UBE2U: variants seen among roughly 807,000 people sequenced by gnomAD.
UBE2U encodes the protein ubiquitin-conjugating enzyme E2 U.
UBE2U carries 39 observed loss-of-function variants against 41.2 expected under a neutral mutation model. The ratio of observed to expected loss-of-function variants is 0.95; its 90% CI spans 0.73 to 1.24. UBE2U has a LOEUF of 1.24. Ranked by LOEUF, UBE2U falls within the 50% of genes most tolerant of loss-of-function variation. UBE2U has a pLI of 0.00. For missense variants in UBE2U, 336 were observed against 363.1 expected (o/e 0.93, Z 0.61); for synonymous variants, 107 against 117.8 (o/e 0.91, Z 0.60).
chr1:64,223,885 A>C (rs541204193), intron 6 of UBE2U, among the ~76,000 whole-genome samples: 108 of 152,322 alleles, frequency 7.1e-4, no homozygotes, highest in South Asian at 8.3e-4. Flanking sequence ...GAGCTACAGC[A>C]GGACATCTTT....
At chr1:64,230,932 A>C (rs774637891) in intron 6 of UBE2U, among the ~76,000 whole-genome samples, 93 of 152,198 alleles carry the variant, frequency 6.1e-4, no homozygotes, top group Non-Finnish European at 1.1e-3. Context: ...CTATAAACAC[A>C]TGTATTTTTA....
intron 6 of UBE2U, among the ~76,000 whole-genome samples, chr1:64,226,752 A>C (rs1652900206): frequency 7.1e-6 from 1 of 140,654 alleles, no homozygotes; most frequent in Admixed American, 7.1e-5. Context: ...AAAAAAAAAA[A>C]GGTATTCAAA....
chr1:64,216,738 C>A (rs1201869226), intron 5 of UBE2U, among the ~76,000 whole-genome samples: 1 of 152,196 alleles, frequency 6.6e-6, no homozygotes, highest in Non-Finnish European at 1.5e-5. Flanking sequence ...CCAAACTTTT[C>A]CCCAACATTT....
intron 9 of UBE2U, among the ~76,000 whole-genome samples, chr1:64,263,798 C>T (rs1045131304): frequency 2.0e-5 from 3 of 152,090 alleles, no homozygotes; most frequent in Non-Finnish European, 2.9e-5. Flanking sequence ...TCAGGCATGG[C>T]GGGTTCCTCA....
At chr1:64,233,892 G>A (rs76551846) in intron 7 of UBE2U, among the ~76,000 whole-genome samples, 1,868 of 152,314 alleles carry the variant, frequency 0.012, 49 homozygotes, top group African/African-American at 0.042. Flanking sequence ...CAGTGATTAC[G>A]TTTTAGTCCT....
intron 8 of UBE2U, among the ~76,000 whole-genome samples, chr1:64,255,205 C>T (rs1645070842): frequency 6.6e-6 from 1 of 151,972 alleles, no homozygotes; most frequent in Admixed American, 6.6e-5. Context: ...ACACACCTTC[C>T]CAAGACTGAA....
At chr1:64,227,260 G>A (rs1206660416) in intron 6 of UBE2U, among the ~76,000 whole-genome samples, 1 of 152,086 alleles carries the variant, frequency 6.6e-6, no homozygotes, top group Admixed American at 6.5e-5. Context: ...TTGTACTGGA[G>A]GTTCTAGCCA....
At chr1:64,248,418 A>C (rs1227976858) in intron 8 of UBE2U, among the ~76,000 whole-genome samples, 1 of 152,184 alleles carries the variant, frequency 6.6e-6, no homozygotes, top group Non-Finnish European at 1.5e-5. Context: ...ATGTTACCAA[A>C]AGTCAAATTA....
chr1:64,215,976 G>A (rs1241223368), intron 5 of UBE2U, among the ~76,000 whole-genome samples: 1 of 152,162 alleles, frequency 6.6e-6, no homozygotes, highest in Non-Finnish European at 1.5e-5. Context: ...ACCTTGCATA[G>A]TAGCTGGTAT....
At chr1:64,230,736 C>G (rs1283101174) in intron 6 of UBE2U, among the ~76,000 whole-genome samples, 2 of 152,146 alleles carry the variant, frequency 1.3e-5, no homozygotes, top group African/African-American at 4.8e-5. Context: ...CAAATGTCTC[C>G]GTTAAACCAT....
chr1:64,248,143 CCTT>C (rs1644951361), intron 8 of UBE2U, among the ~76,000 whole-genome samples: 1 of 151,264 alleles, frequency 6.6e-6, no homozygotes, highest in South Asian at 2.1e-4. Context: ...TAGGAGAACT[CCTT>C]CTTTGGTGTT....
chr1:64,226,247 GA>G (rs1179811564), intron 6 of UBE2U, among the ~76,000 whole-genome samples: 1 of 152,092 alleles, frequency 6.6e-6, no homozygotes, highest in Non-Finnish European at 1.5e-5. Context: ...TATGTTGAGT[GA>G]AAAAAACCAC....
intron 3 of UBE2U, 140 bp downstream of exon 3, chr1:64,206,996 G>A: frequency 4.1e-5 from 26 of 630,378 alleles, no homozygotes; most frequent in South Asian, 6.2e-5. Flanking sequence ...TGAAAAGGCT[G>A]GAAAAAATTA....
At chr1:64,216,241 C>G (rs1652004437) in intron 5 of UBE2U, among the ~76,000 whole-genome samples, 1 of 152,166 alleles carries the variant, frequency 6.6e-6, no homozygotes, top group African/African-American at 2.4e-5. Flanking sequence ...TATTTGATCA[C>G]AAGCTTAAGG....
At chr1:64,217,678 G>A (rs1316312077) in intron 5 of UBE2U, among the ~76,000 whole-genome samples, 1 of 152,014 alleles carries the variant, frequency 6.6e-6, no homozygotes, top group Non-Finnish European at 1.5e-5. Context: ...TTTTTTCTTA[G>A]CCAAGTATAT....
chr1:64,254,385 G>A (rs1223442602), intron 8 of UBE2U, among the ~76,000 whole-genome samples: 2 of 152,072 alleles, frequency 1.3e-5, no homozygotes, highest in Admixed American at 1.3e-4. Flanking sequence ...TTCAATACCT[G>A]AATTCAGCTC....
intron 1 of UBE2U, among the ~76,000 whole-genome samples, chr1:64,204,884 A>G (rs77199888): frequency 1.8e-3 from 268 of 152,340 alleles, no homozygotes; most frequent in Non-Finnish European, 3.4e-3. Flanking sequence ...GATGTTAGGA[A>G]CAATTATGGA....
chr1:64,246,924 GCACCATGT>G (rs1644930187), intron 8 of UBE2U, among the ~76,000 whole-genome samples: 1 of 152,128 alleles, frequency 6.6e-6, no homozygotes, highest in Admixed American at 6.5e-5. Flanking sequence ...AATCAAGCAG[GCACCATGT>G]CAGACACTGA....
chr1:64,239,092 G>GAAGAAGAAGAAGAA (rs1644737300), intron 7 of UBE2U, among the ~76,000 whole-genome samples: 4 of 42,750 alleles, frequency 9.4e-5, no homozygotes, highest in Non-Finnish European at 1.3e-4. Flanking sequence ...AAGAGGAAGA[G>GAAGAAGAAGAAGAA]GAAGAAGAAG....
Sources: allele counts gnomAD v4.1 joint callset (sites outside exome capture counted in the v4.1 genomes callset), GRCh38; gene constraint gnomAD v4.1.1; transcripts MANE v1.5; gene names NCBI Gene and HGNC (gene_info 2026-07-23, HGNC 2026-07-21).